ERC1: variants seen among roughly 807,000 people sequenced by gnomAD.
ERC1 encodes the protein ELKS/RAB6-interacting/CAST family member 1, also known as RAB6 interacting protein 2.
ERC1 carries 56 observed loss-of-function variants against 132.0 expected under a neutral mutation model. The ratio of observed to expected loss-of-function variants is 0.42; its 90% CI spans 0.34 to 0.53. The LOEUF is 0.53. Among genes scored for constraint, ERC1 ranks in the 20% least tolerant of loss-of-function variants. The pLI, the probability that ERC1 is intolerant of heterozygous loss-of-function variation, is 0.03. For synonymous variants in ERC1, 478 were observed against 476.1 expected (o/e 1.00, Z -0.05); for missense variants, 1,202 against 1,349.9 (o/e 0.89, Z 1.72).
chr12:1,394,162 A>C (rs184293375), intron 16 of ERC1, among the ~76,000 whole-genome samples: 3,754 of 151,798 alleles, frequency 0.025, 73 homozygotes, highest in South Asian at 0.088. Flanking sequence ...GCACTTTGGG[A>C]GGCCAAGGCG....
At chr12:1,229,538 G>A (rs986529480) in intron 12 of ERC1, among the ~76,000 whole-genome samples, 6 of 152,158 alleles carry the variant, frequency 3.9e-5, no homozygotes, top group Admixed American at 2.6e-4. Flanking sequence ...TTGTTTTAAT[G>A]ATTCAGTCTT....
intron 13 of ERC1, among the ~76,000 whole-genome samples, chr12:1,246,343 AAGAT>A (rs1466666598): frequency 2.0e-5 from 3 of 152,226 alleles, no homozygotes; most frequent in Non-Finnish European, 4.4e-5. Context: ...AGAAAAAAAA[AAGAT>A]AGTATTTTAA....
intron 11 of ERC1, among the ~76,000 whole-genome samples, chr12:1,184,000 G>A (rs1954778263): frequency 6.6e-6 from 1 of 152,080 alleles, no homozygotes; most frequent in Non-Finnish European, 1.5e-5. Flanking sequence ...GCCAGGCTTG[G>A]TGGCGCAGGC....
chr12:1,304,896 T>C (rs1689755283), intron 15 of ERC1, among the ~76,000 whole-genome samples: 1 of 146,260 alleles, frequency 6.8e-6, no homozygotes, highest in Non-Finnish European at 1.5e-5. Flanking sequence ...TTGACGCCAT[T>C]CTCCTACCTC....
intron 17 of ERC1, among the ~76,000 whole-genome samples, chr12:1,440,793 T>C (rs1592083956): frequency 6.6e-6 from 1 of 151,148 alleles, no homozygotes; most frequent in South Asian, 2.1e-4. Flanking sequence ...AGACTACAGG[T>C]GCGCACCACA....
At chr12:1,280,527 A>G (rs1350249464) in intron 14 of ERC1, among the ~76,000 whole-genome samples, 1 of 152,218 alleles carries the variant, frequency 6.6e-6, no homozygotes, top group African/African-American at 2.4e-5. Flanking sequence ...ACTAACAGTG[A>G]TTTGGCATAA....
At chr12:1,347,612 T>C (rs2087132119) in intron 15 of ERC1, among the ~76,000 whole-genome samples, 1 of 152,226 alleles carries the variant, frequency 6.6e-6, no homozygotes. Context: ...AGTATAAATT[T>C]TGTGATTGAT....
intron 8 of ERC1, among the ~76,000 whole-genome samples, chr12:1,174,167 A>G (rs1263628336): frequency 1.3e-5 from 2 of 152,136 alleles, no homozygotes; most frequent in African/African-American, 2.4e-5. Context: ...CACCCGACAC[A>G]CCCACCTCCC....
At position 1,099,835 on chromosome 12, in the gene ERC1, A is replaced by ATT. The variant is rs779732035; in HGVS notation, c.1087-4884_1087-4883dup. ...AAGGATGAGCCTGCTTGAGACTTTG[A>ATT]TTTTTTTTTTTTTTTTTTTTTTTTT... On this transcript the variant is annotated intron_variant, in intron 3 of 18. Transcript: ENST00000360905. Among the ~76,000 whole-genome samples the ATT allele has an allele frequency of 7.4e-3, 404 of 54,388 alleles. 35 individuals are homozygous for ATT. Among genetic ancestry groups the ATT allele is most frequent in the Middle Eastern group, 0.015 (1 of 66 alleles). 35.7% of individuals were successfully genotyped at this position (54,388 alleles called of 152,430 possible). A position where few individuals can be genotyped will look rare whatever the true frequency, so the allele number is the denominator to read the frequency against.
rs542389537 is a variant in ERC1, at chr12:1,368,924, G to A, written c.2781-2909G>A. 6.6e-5 allele frequency among the ~76,000 whole-genome samples: 10 copies of A among 152,240 alleles called. No homozygotes were observed. In the South Asian group the frequency reaches 1.0e-3, roughly 16 times the overall value. Reference sequence around the variant, plus strand: ...GGCACCTATACATGTAGAAATCAGTGTCAGGAGTATACGTTGTAAATGGAA... The same window carrying A: ...GGCACCTATACATGTAGAAATCAGTATCAGGAGTATACGTTGTAAATGGAA... On this transcript the variant is annotated intron_variant, in intron 15 of 18. Transcript: ENST00000360905.
chr12:1,115,866 A>G lies in ERC1; in HGVS notation c.1402A>G (p.Ile468Val), dbSNP rs137981594. 192 of 1,612,238 alleles carry G rather than the reference A, an allele frequency of 1.2e-4. 1 individual carries two copies. The South Asian group carries it at 1.6e-3, about 14-fold the overall frequency. Residue 468 changes from isoleucine (I) to valine (V), a missense_variant and splice_region_variant, in exon 7 of 19, where the codon ATT becomes GTT. By Grantham distance (29) the Ile-to-Val change is conservative. Coordinates refer to ENST00000360905, the MANE Select transcript of ERC1 (RefSeq NM_178040.4). The part of the protein sequence containing the change: ...KKKAAGLQAE[I>V]GQVKQELSRK... ...TTAAAGTGTTTTACTTCTTTTCTAG[A>G]TTGGCCAGGTGAAACAGGAGCTGTC...
chr12:1,022,100 A>G (rs571184759), intron 1 of ERC1, among the ~76,000 whole-genome samples: 44 of 152,282 alleles, frequency 2.9e-4, no homozygotes, highest in Non-Finnish European at 5.1e-4. Context: ...CTATTCTCCT[A>G]TAGATAGGAT....
intron 8 of ERC1, among the ~76,000 whole-genome samples, chr12:1,163,966 A>G (rs528627781): frequency 3.4e-4 from 51 of 152,126 alleles, no homozygotes; most frequent in Non-Finnish European, 6.5e-4. Flanking sequence ...TCCGCCTGTC[A>G]TGGCCTCCTG....
intron 13 of ERC1, among the ~76,000 whole-genome samples, chr12:1,254,203 G>C (rs1249481584): frequency 6.6e-6 from 1 of 152,156 alleles, no homozygotes; most frequent in African/African-American, 2.4e-5. Flanking sequence ...GATAAAGCAT[G>C]TTCCTTTGCT....
intron 16 of ERC1, among the ~76,000 whole-genome samples, chr12:1,383,587 T>A (rs2088960032): frequency 6.6e-6 from 1 of 152,120 alleles, no homozygotes; most frequent in Non-Finnish European, 1.5e-5. Flanking sequence ...TGAGGCAAGA[T>A]CACACCACTG....
chr12:1,091,145 TC>T lies in ERC1; in HGVS notation c.1086+7568del, dbSNP rs1943155345. Among the ~76,000 whole-genome samples, 3 of 152,274 alleles carry T rather than the reference TC, an allele frequency of 2.0e-5. No homozygotes were observed. In the South Asian group the frequency reaches 6.2e-4, roughly 32 times the overall value. ...CTCAGGTGATCTGCCTGACTCGGCC[TC>T]CCAGAGTGCTGGGATTACAGGCGTA... On this transcript the variant is annotated intron_variant, in intron 3 of 18. Coordinates refer to ENST00000360905, the MANE Select transcript of ERC1 (RefSeq NM_178040.4).
intron 13 of ERC1, among the ~76,000 whole-genome samples, chr12:1,251,680 G>A (rs1396255231): frequency 1.3e-5 from 2 of 152,066 alleles, no homozygotes; most frequent in Non-Finnish European, 2.9e-5. Flanking sequence ...GCAAAAACAC[G>A]GCTTAACATT....
chr12:1,278,365 A>AT (rs2078428685), intron 14 of ERC1, among the ~76,000 whole-genome samples: 1 of 152,218 alleles, frequency 6.6e-6, no homozygotes, highest in African/African-American at 2.4e-5. Flanking sequence ...ATTTTGATCC[A>AT]TTTATTAATG....
intron 12 of ERC1, among the ~76,000 whole-genome samples, chr12:1,213,249 A>G (rs764423380): frequency 6.6e-5 from 10 of 152,176 alleles, no homozygotes; most frequent in Non-Finnish European, 1.3e-4. Flanking sequence ...ATAGTGTCTT[A>G]CATTTATTTA....
Sources: allele counts gnomAD v4.1 joint callset (sites outside exome capture counted in the v4.1 genomes callset), GRCh38; gene constraint gnomAD v4.1.1; transcripts MANE v1.5; gene names NCBI Gene and HGNC (gene_info 2026-07-23, HGNC 2026-07-21).